Variants in MAPK13 observed in about 807,000 individuals in gnomAD.
MAPK13 encodes the protein mitogen-activated protein kinase 13, also known as MAP kinase 13.
A neutral mutation model predicts 53.5 loss-of-function variants in MAPK13; 39 were observed. The ratio of observed to expected loss-of-function variants is 0.73; its 90% CI spans 0.56 to 0.95. MAPK13 has a LOEUF of 0.95. Among genes scored for constraint, MAPK13 ranks in the 40% least tolerant of loss-of-function variants. The pLI is 0.00. For synonymous variants in MAPK13, 179 were observed against 190.9 expected (o/e 0.94, Z 0.51); for missense variants, 460 against 471.8 (o/e 0.98, Z 0.23).
At chr6:36,135,705 G>GCA (rs990935288) in intron 3 of MAPK13, 48 bp from the exon 4 acceptor site, 1 of 1,374,828 alleles carries the variant, frequency 7.3e-7, no homozygotes, top group African/African-American at 1.4e-5. Flanking sequence ...TCTGACCTGG[G>GCA]GCTGGGTGGG....
rs937638916 is a variant in MAPK13 at position 36,141,242 on chromosome 6, T to A, written c.*1869T>A. 3.9e-5 allele frequency: 6 copies of A among 152,228 alleles called. No individual in the cohort carries two copies. Among genetic ancestry groups the A allele is most frequent in the Non-Finnish European group, 7.3e-5 (5 of 68,046 alleles). 9.4% of individuals were successfully genotyped at this position (152,228 alleles called of 1,614,324 possible). A position where few individuals can be genotyped will look rare whatever the true frequency, so the allele number is the denominator to read the frequency against. ...CTATGGACTTCAGTTAATAATAATG[T>A]ATCAGTATTGGTTCATAAATTGTAA... On this transcript the variant is annotated 3_prime_UTR_variant, in exon 12 of 12. Transcript: ENST00000211287.
chr6:36,134,036 G>A (rs186856540), intron 3 of MAPK13, among the ~76,000 whole-genome samples: 119 of 152,346 alleles, frequency 7.8e-4, no homozygotes, highest in Admixed American at 1.6e-3. Context: ...TGGGAGGTAA[G>A]GCAGTGGGAT....
intron 5 of MAPK13, 127 bp from the exon 6 acceptor site, chr6:36,136,357 C>T (rs1281242716): frequency 1.3e-6 from 1 of 774,652 alleles, no homozygotes; most frequent in Non-Finnish European, 2.1e-6. Context: ...CCTCATTTTA[C>T]ACATGAAGAA....
rs1766535949 is a variant in MAPK13, at chr6:36,141,711, CA to C, written c.*2339del. The C allele has an allele frequency of 6.6e-6, 1 of 152,610 alleles. No individual in the cohort carries two copies. Among genetic ancestry groups the C allele is most frequent in the Non-Finnish European group, 1.5e-5 (1 of 68,390 alleles). The allele number at this position is 152,610 out of a possible 1,614,324, so 9.5% of individuals were successfully genotyped here. A position where few individuals can be genotyped will look rare whatever the true frequency, so the allele number is the denominator to read the frequency against. On this transcript the variant is annotated 3_prime_UTR_variant, in exon 12 of 12. Transcript: ENST00000211287. ...AACAAATACCCTGAGGACACAGAGA[CA>C]TTGGGTCAGACACCCACAGCTAGGA...
Position 36,130,682 on chromosome 6 carries a change from G to T in MAPK13, c.100G>T (p.Gly34Trp), listed in dbSNP as rs1347031517. Residue 34 changes from glycine to tryptophan, a missense_variant, in exon 1 of 12, where the codon GGG (glycine) becomes TGG (tryptophan). Physicochemically the swap from Gly to Trp is radical, Grantham distance 184. Coordinates refer to ENST00000211287, the MANE Select transcript of MAPK13 (RefSeq NM_002754.5). This position sits in a 1 kb window ranked among gnomAD's most constrained non-coding sequence, Gnocchi z 4.5. ...TYVSPTHVGS[G>W]AYGSVCSAID... Reference sequence around the variant, plus strand: ...CGTGTCCCCGACGCACGTCGGCAGCGGGGCCTATGGCTCCGTGTGGTGAGA... The same window carrying T: ...CGTGTCCCCGACGCACGTCGGCAGCTGGGCCTATGGCTCCGTGTGGTGAGA... 6 of 1,556,928 alleles carry T rather than the reference G, an allele frequency of 3.9e-6. No individual in the cohort carries two copies. In the Admixed American group the frequency reaches 5.4e-5, roughly 14 times the overall value.
intron 2 of MAPK13, among the ~76,000 whole-genome samples, chr6:36,132,360 A>G (rs773142707): frequency 6.6e-6 from 1 of 152,208 alleles, no homozygotes; most frequent in Non-Finnish European, 1.5e-5. Context: ...CTTGACAGCA[A>G]TGAGCACACA....
At chr6:36,133,093 G>T (rs546020458) in intron 3 of MAPK13, among the ~76,000 whole-genome samples, 18 of 152,382 alleles carry the variant, frequency 1.2e-4, no homozygotes, top group African/African-American at 2.9e-4. Flanking sequence ...GCTGATGGGG[G>T]TGTTTGACAG....
Position 36,138,454 on chromosome 6 carries a change from A to G in MAPK13, c.762+10A>G, listed in dbSNP as rs1230551565. 2.5e-6 allele frequency: 4 copies of G among 1,613,130 alleles called. No individual in the cohort carries two copies. The highest frequency in any genetic ancestry group is 3.4e-6 in the Non-Finnish European group (4 of 1,179,530). ...GCTGAACGACAAAGCGGTGGGTGGT[A>G]AATGGGACCTAGGCTGGCCTGGGCT... On this transcript the variant is annotated intron_variant, in intron 9 of 11. Coordinates refer to ENST00000211287, the MANE Select transcript of MAPK13 (RefSeq NM_002754.5).
At chr6:36,132,562 G>A (rs1193433301) in intron 2 of MAPK13, 59 bp from the exon 3 acceptor site, 7 of 1,515,482 alleles carry the variant, frequency 4.6e-6, no homozygotes, top group South Asian at 4.5e-5. Context: ...CAGGGCCCAG[G>A]AGGAGGTGGG....
At chr6:36,132,514 T>G in intron 2 of MAPK13, 107 bp from the exon 3 acceptor site, 1 of 909,320 alleles carries the variant, frequency 1.1e-6, no homozygotes, top group Non-Finnish European at 1.8e-6. Flanking sequence ...CTGCTGGAGG[T>G]GGTGTATTAG....
At chr6:36,133,575 C>T (rs1766359590) in intron 3 of MAPK13, among the ~76,000 whole-genome samples, 1 of 152,118 alleles carries the variant, frequency 6.6e-6, no homozygotes. Context: ...AGAGGAAGAA[C>T]AGATCTTGGG....
chr6:36,131,630 T>A (rs751366986), intron 2 of MAPK13, among the ~76,000 whole-genome samples: 7 of 152,212 alleles, frequency 4.6e-5, no homozygotes, highest in Non-Finnish European at 7.3e-5. Flanking sequence ...AGGTACAGAC[T>A]GTGTTATCCT....
chr6:36,137,759 G>A (rs1283822837), intron 8 of MAPK13, among the ~76,000 whole-genome samples: 10 of 151,560 alleles, frequency 6.6e-5, no homozygotes, highest in East Asian at 1.9e-4. Context: ...TTAGGAGTTC[G>A]AGACCAGCCT....
At position 36,133,398 on chromosome 6, in the gene MAPK13, G is replaced by A. The variant is rs186693009; in HGVS notation, c.308+719G>A. On this transcript the variant is annotated intron_variant, in intron 3 of 11. Transcript: ENST00000211287. ...GGGGAGAGCCTGGAGGTCAGTGTTA[G>A]TGATCTAAAGTAGGGATCTAAAGCA... Among the ~76,000 whole-genome samples the A allele has an allele frequency of 3.0e-4, 45 of 152,326 alleles. No individual in the cohort carries two copies. In the East Asian group the frequency reaches 8.3e-3, roughly 28 times the overall value.
Position 36,139,677 on chromosome 6 carries a change from A to C in MAPK13, c.*304A>C, listed in dbSNP as rs1416546881. On this transcript the variant is annotated 3_prime_UTR_variant, in exon 12 of 12. Transcript: ENST00000211287. The stretch of plus-strand genomic sequence containing the variant: ...GCCAGGCCGGGGGCCTATGGCAGTG[A>C]TGCTGTGTTGGTTTCCTAGGGATGC... 2.6e-6 allele frequency: 1 copy of C among 385,608 alleles called. No homozygotes were observed. The highest frequency in any genetic ancestry group is 2.1e-5 in the African/African-American group (1 of 48,298). The allele number at this position is 385,608 out of a possible 1,614,324, so 23.9% of individuals were successfully genotyped here.
At position 36,130,961 on chromosome 6, in the gene MAPK13, C is replaced by G. The variant is rs973690596; in HGVS notation, c.119+260C>G. ...GACCCCAGAGTTCATCGGGCAGATC[C>G]TCACTGTTACAGACGAGTACACCGA... On this transcript the variant is annotated intron_variant, in intron 1 of 11. Transcript: ENST00000211287. This position sits in a 1 kb window ranked among gnomAD's most constrained non-coding sequence, Gnocchi z 4.5. 4 of 517,236 alleles carry G rather than the reference C, an allele frequency of 7.7e-6. No homozygotes were observed. Among genetic ancestry groups the G allele is most frequent in the Non-Finnish European group, 1.4e-5 (4 of 291,594 alleles). The allele number at this position is 517,236 out of a possible 1,614,324, so 32.0% of individuals were successfully genotyped here. A position where few individuals can be genotyped will look rare whatever the true frequency, so the allele number is the denominator to read the frequency against.
At chr6:36,138,476 G>T in intron 9 of MAPK13, 32 bp downstream of exon 9, 2 of 1,606,122 alleles carry the variant, frequency 1.2e-6, no homozygotes, top group South Asian at 1.1e-5. Flanking sequence ...GGCTGGCCTG[G>T]GCTGTGTGCT....
At chr6:36,137,241 C>T (rs1479848869) in intron 8 of MAPK13, among the ~76,000 whole-genome samples, 3 of 152,092 alleles carry the variant, frequency 2.0e-5, no homozygotes, top group South Asian at 2.1e-4. Flanking sequence ...ATGGGCCTGG[C>T]GCAGTGGCTC....
In MAPK13 at chr6:36,136,535, A is replaced by G; in HGVS notation, c.495+4A>G. On this transcript the variant is annotated splice_donor_region_variant and intron_variant, in intron 6 of 11. Coordinates refer to ENST00000211287, the MANE Select transcript of MAPK13 (RefSeq NM_002754.5). Reference sequence around the variant, plus strand: ...GAATGAGGACTGTGAACTGAAGGTGAGTGGGCTGCAGGCTCAGCCCAGAGG... The same window carrying G: ...GAATGAGGACTGTGAACTGAAGGTGGGTGGGCTGCAGGCTCAGCCCAGAGG... 6.2e-7 allele frequency: 1 copy of G among 1,602,832 alleles called. No homozygotes were observed. The highest frequency in any genetic ancestry group is 8.5e-7 in the Non-Finnish European group (1 of 1,174,464).
Sources: allele counts gnomAD v4.1 joint callset (sites outside exome capture counted in the v4.1 genomes callset), GRCh38; gene constraint gnomAD v4.1.1; non-coding constraint Gnocchi (gnomAD v3.1); transcripts MANE v1.5; gene names NCBI Gene and HGNC (gene_info 2026-07-23, HGNC 2026-07-21).